The following SPMAP1 variants were observed in gnomAD, a reference collection of about 807,000 sequenced individuals.
SPMAP1 encodes sperm microtubule associated protein 1.
chr17:38,839,392 C>T, the SPMAP1 span, among the ~76,000 whole-genome samples: 27 of 147,262 alleles, frequency 1.8e-4, no homozygotes, highest in Admixed American at 6.3e-4. Context: ...CGCTTGAACA[C>T]GGAAAGCAGA....
At chr17:38,836,585 C>CT in the SPMAP1 span, among the ~76,000 whole-genome samples, 52 of 58,396 alleles carry the variant, frequency 8.9e-4, no homozygotes, top group Middle Eastern at 0.013. Context: ...TTCTTTCTTT[C>CT]TTTTTTTTTT....
the SPMAP1 span, chr17:38,837,364 G>A: frequency 1.4e-6 from 1 of 721,384 alleles, no homozygotes; most frequent in South Asian, 1.5e-5. Flanking sequence ...TAGGTAACTG[G>A]TGCAGACAGA....
At chr17:38,840,398 C>A in the SPMAP1 span, among the ~76,000 whole-genome samples, 1 of 152,064 alleles carries the variant, frequency 6.6e-6, no homozygotes, top group African/African-American at 2.4e-5. Context: ...TGGCTTTGAG[C>A]CCTATCCCCT....
At chr17:38,841,285 C>T in the SPMAP1 span, 1 of 1,614,096 alleles carries the variant, frequency 6.2e-7, no homozygotes, top group Non-Finnish European at 8.5e-7. Context: ...CCGACCACAG[C>T]TTGGGCCTAG....
At chr17:38,837,577 C>G in the SPMAP1 span, among the ~76,000 whole-genome samples, 1 of 151,368 alleles carries the variant, frequency 6.6e-6, no homozygotes, top group African/African-American at 2.4e-5. Context: ...GCTCAGGAGG[C>G]TGAGGCGGTA....
chr17:38,838,972 G>C, the SPMAP1 span, among the ~76,000 whole-genome samples: 1 of 151,134 alleles, frequency 6.6e-6, no homozygotes, highest in South Asian at 2.1e-4. Flanking sequence ...TGTAATCTCA[G>C]CTATTCAGGA....
chr17:38,835,894 G>C, the SPMAP1 span, among the ~76,000 whole-genome samples: 1 of 151,932 alleles, frequency 6.6e-6, no homozygotes, highest in African/African-American at 2.4e-5. Context: ...AGGGGCTTCA[G>C]AGTTGGGAAG....
chr17:38,841,276 C>A, the SPMAP1 span: 14 of 1,614,042 alleles, frequency 8.7e-6, no homozygotes, highest in Admixed American at 1.0e-4. Flanking sequence ...GCGGAATCGC[C>A]GACCACAGCT....
the SPMAP1 span, chr17:38,841,147 G>A: frequency 6.5e-7 from 1 of 1,536,318 alleles, no homozygotes; most frequent in African/African-American, 1.4e-5. Context: ...TGAAGATTTA[G>A]GGAGGTGTGT....
the SPMAP1 span, among the ~76,000 whole-genome samples, chr17:38,835,954 G>A: frequency 4.6e-5 from 7 of 152,072 alleles, no homozygotes; most frequent in African/African-American, 1.7e-4. Context: ...TTGCACTGTC[G>A]CCCAGGCTGG....
chr17:38,837,619 A>G, the SPMAP1 span, among the ~76,000 whole-genome samples: 2 of 151,786 alleles, frequency 1.3e-5, no homozygotes, highest in Admixed American at 6.6e-5. Flanking sequence ...CAGAAGTTGC[A>G]GTGAACCGAG....
chr17:38,838,339 A>G, the SPMAP1 span, among the ~76,000 whole-genome samples: 1 of 151,712 alleles, frequency 6.6e-6, no homozygotes, highest in African/African-American at 2.4e-5. Context: ...GGCTGGGAGC[A>G]GTGTAATCCC....
the SPMAP1 span, among the ~76,000 whole-genome samples, chr17:38,837,588 C>T: frequency 6.7e-6 from 1 of 149,954 alleles, no homozygotes; most frequent in Non-Finnish European, 1.5e-5. Flanking sequence ...TGAGGCGGTA[C>T]AATTGCTTGA....
At chr17:38,841,416 T>C in the SPMAP1 span, 2 of 1,609,264 alleles carry the variant, frequency 1.2e-6, no homozygotes, top group Non-Finnish European at 1.7e-6. Context: ...TCGGAGGGCC[T>C]TTCTGGTGGG....
the SPMAP1 span, chr17:38,837,192 T>C: frequency 3.1e-6 from 5 of 1,614,114 alleles, no homozygotes; most frequent in Non-Finnish European, 4.2e-6. Context: ...TGCCCGAAGA[T>C]GTGGATGTAG....
At chr17:38,836,165 C>T in the SPMAP1 span, among the ~76,000 whole-genome samples, 15 of 152,064 alleles carry the variant, frequency 9.9e-5, no homozygotes, top group East Asian at 1.9e-4. Context: ...CCGCCTGCCT[C>T]GGCCTCCCAA....
the SPMAP1 span, chr17:38,841,293 T>A: frequency 6.8e-6 from 11 of 1,614,182 alleles, no homozygotes; most frequent in Non-Finnish European, 9.3e-6. Flanking sequence ...AGCTTGGGCC[T>A]AGAGCGCCCA....
the SPMAP1 span, among the ~76,000 whole-genome samples, chr17:38,836,950 A>G: frequency 3.6e-5 from 5 of 140,272 alleles, no homozygotes; most frequent in Admixed American, 2.8e-4. Flanking sequence ...CCACGTCTCA[A>G]AAAAAAAAAA....
At chr17:38,841,036 T>G in the SPMAP1 span, 1 of 586,532 alleles carries the variant, frequency 1.7e-6, no homozygotes, top group Non-Finnish European at 2.9e-6. Flanking sequence ...AGCGAGACTT[T>G]GTCTCAAAAT....
Sources: allele counts gnomAD v4.1 joint callset (sites outside exome capture counted in the v4.1 genomes callset), GRCh38; gene constraint gnomAD v4.1.1; transcripts MANE v1.5; gene names NCBI Gene and HGNC (gene_info 2026-07-23, HGNC 2026-07-21).